ARHGAP8: variants seen among roughly 807,000 people sequenced by gnomAD.
ARHGAP8 encodes Rho GTPase activating protein 8.
A neutral mutation model predicts 46.1 loss-of-function variants in ARHGAP8; 62 were observed. The ratio of observed to expected loss-of-function variants is 1.34; its 90% CI spans 1.10 to 1.66. The LOEUF (loss-of-function observed/expected upper bound fraction) is 1.66. Among genes scored for constraint, ARHGAP8 ranks in the 40% most tolerant of loss-of-function variants. The pLI, the probability that ARHGAP8 is intolerant of heterozygous loss-of-function variation, is 0.00. For missense variants in ARHGAP8, 923 were observed against 568.4 expected (o/e 1.62, Z -6.34); for synonymous variants, 375 against 243.1 (o/e 1.54, Z -5.05).
intron 8 of ARHGAP8, among the ~76,000 whole-genome samples, chr22:44,847,260 A>T (rs940308853): frequency 2.0e-5 from 3 of 152,228 alleles, no homozygotes; most frequent in Non-Finnish European, 4.4e-5. Flanking sequence ...AGCTGCTTTC[A>T]TGAGCCAATT....
At chr22:44,820,066 A>G (rs1326098274) in intron 5 of ARHGAP8, among the ~76,000 whole-genome samples, 1 of 138,338 alleles carries the variant, frequency 7.2e-6, no homozygotes, top group East Asian at 2.2e-4. Context: ...AAGGAAGTAG[A>G]GGAACTCTGA....
At chr22:44,753,448 T>A (rs1349456494) in intron 1 of ARHGAP8, among the ~76,000 whole-genome samples, 3 of 152,118 alleles carry the variant, frequency 2.0e-5, no homozygotes, top group Non-Finnish European at 4.4e-5. Flanking sequence ...CTCGACCACC[T>A]GACCTCAGGT....
chr22:44,787,041 A>AAAAAAC (rs1927304495), intron 2 of ARHGAP8, among the ~76,000 whole-genome samples: 1 of 147,906 alleles, frequency 6.8e-6, no homozygotes, highest in African/African-American at 2.5e-5. Flanking sequence ...AAAAAACAAA[A>AAAAAAC]AAAAAAAAAA....
chr22:44,831,615 C>T (rs1930953690), intron 7 of ARHGAP8, among the ~76,000 whole-genome samples: 1 of 152,166 alleles, frequency 6.6e-6, no homozygotes, highest in Admixed American at 6.5e-5. Context: ...AGGAGAATCG[C>T]TTGAACCTGG....
In ARHGAP8 at chr22:44,790,607, C is replaced by A. The variant is rs111522439; in HGVS notation, c.79+4001C>A. On this transcript the variant is annotated intron_variant, in intron 2 of 11. Coordinates refer to ENST00000356099, the MANE Select transcript of ARHGAP8 (RefSeq NM_181335.3). The stretch of plus-strand genomic sequence containing the variant: ...AGGAGAATCGCTTGAACCCGGGAGA[C>A]CGAGGTTGCAGTGAGCCAAGATCAC... 3.5e-5 allele frequency among the ~76,000 whole-genome samples: 5 copies of A among 142,152 alleles called. No individual in the cohort carries two copies. In the South Asian group the frequency reaches 1.1e-3, roughly 32 times the overall value. The allele number at this position is 142,152 out of a possible 152,430, so 93.3% of individuals were successfully genotyped here.
At chr22:44,755,610 A>G (rs533140840) in intron 1 of ARHGAP8, among the ~76,000 whole-genome samples, 3 of 152,126 alleles carry the variant, frequency 2.0e-5, no homozygotes, top group South Asian at 4.1e-4. Flanking sequence ...CTGCCTTCAC[A>G]GGGCGTCTCC....
chr22:44,791,947 G>A (rs1388397434), intron 2 of ARHGAP8, among the ~76,000 whole-genome samples: 1 of 152,044 alleles, frequency 6.6e-6, no homozygotes, highest in East Asian at 1.9e-4. Context: ...AGGTGCATTG[G>A]ATACAGAGAA....
intron 7 of ARHGAP8, among the ~76,000 whole-genome samples, chr22:44,844,932 G>A (rs2069916111): frequency 6.6e-6 from 1 of 152,232 alleles, no homozygotes; most frequent in Non-Finnish European, 1.5e-5. Context: ...TGGCTTCCCT[G>A]TCTAGAATGC....
At chr22:44,780,079 C>T (rs541739664) in intron 1 of ARHGAP8, among the ~76,000 whole-genome samples, 11 of 152,230 alleles carry the variant, frequency 7.2e-5, no homozygotes, top group South Asian at 4.1e-4. Context: ...AGGAGCTGGC[C>T]GGCATAGCTA....
intron 1 of ARHGAP8, among the ~76,000 whole-genome samples, chr22:44,763,349 C>T (rs1925287527): frequency 6.6e-6 from 1 of 151,620 alleles, no homozygotes; most frequent in African/African-American, 2.4e-5. Context: ...ATATAAAAAT[C>T]AGCCAGGCGT....
rs760350190 is a variant in ARHGAP8, at chr22:44,845,364, C to T, written c.670+22C>T. ...AAAGGTGAGACGGGGCCGGCTCCAG[C>T]TGGATGACGTGAGGGCTGCTGGGTG... On this transcript the variant is annotated intron_variant, in intron 8 of 11. Transcript: ENST00000356099. 1.1e-5 allele frequency: 18 copies of T among 1,613,696 alleles called. No individual in the cohort carries two copies. In the South Asian group the frequency reaches 2.0e-4, roughly 18 times the overall value.
At chr22:44,797,417 A>G (rs1039934521) in intron 2 of ARHGAP8, among the ~76,000 whole-genome samples, 1 of 152,032 alleles carries the variant, frequency 6.6e-6, no homozygotes, top group Non-Finnish European at 1.5e-5. Flanking sequence ...GGTGGTAGAC[A>G]CTTTGTCTGG....
chr22:44,817,001 T>C (rs934677461), intron 5 of ARHGAP8, among the ~76,000 whole-genome samples: 6 of 150,448 alleles, frequency 4.0e-5, no homozygotes, highest in Admixed American at 2.7e-4. Flanking sequence ...TTCTCCTGCC[T>C]CAGCCTCCCA....
At chr22:44,853,806 T>C (rs2070153375) in intron 10 of ARHGAP8, among the ~76,000 whole-genome samples, 1 of 151,966 alleles carries the variant, frequency 6.6e-6, no homozygotes, top group Non-Finnish European at 1.5e-5. Flanking sequence ...GGCGGGTGGA[T>C]CACCTGAGGT....
At chr22:44,760,772 G>A (rs746269970) in intron 1 of ARHGAP8, among the ~76,000 whole-genome samples, 28 of 152,190 alleles carry the variant, frequency 1.8e-4, no homozygotes, top group Non-Finnish European at 3.8e-4. Flanking sequence ...ATTTTCCTTT[G>A]CATAACATCC....
At chr22:44,777,240 G>A (rs1213567980) in intron 1 of ARHGAP8, 4 of 152,124 alleles carry the variant, frequency 2.6e-5, no homozygotes, top group African/African-American at 9.7e-5. Context: ...GTATGTGCCT[G>A]TCTCACGCTA....
chr22:44,844,130 C>G (rs1178699984), intron 7 of ARHGAP8, among the ~76,000 whole-genome samples: 1 of 151,986 alleles, frequency 6.6e-6, no homozygotes, highest in African/African-American at 2.4e-5. Context: ...CATCACCACG[C>G]CTGGCTAATT....
chr22:44,801,848 A>T lies in ARHGAP8; in HGVS notation c.80-229A>T, dbSNP rs1416158002. 1.6e-5 allele frequency: 9 copies of T among 567,004 alleles called. No individual in the cohort carries two copies. In the South Asian group the frequency reaches 2.0e-4, roughly 13 times the overall value. 35.1% of individuals were successfully genotyped at this position (567,004 alleles called of 1,614,324 possible). On this transcript the variant is annotated intron_variant, in intron 2 of 11. Coordinates refer to ENST00000356099, the MANE Select transcript of ARHGAP8 (RefSeq NM_181335.3). ...CTGGGCCTCGGTTTTCTATCTGTAAAGTGGGGGGATTATTTCCAGCGTACG... is the reference window on the plus strand; with the variant it reads ...CTGGGCCTCGGTTTTCTATCTGTAATGTGGGGGGATTATTTCCAGCGTACG...
At chr22:44,859,329 C>G (rs1044412413) in intron 10 of ARHGAP8, among the ~76,000 whole-genome samples, 4 of 151,720 alleles carry the variant, frequency 2.6e-5, no homozygotes, top group Admixed American at 6.6e-5. Flanking sequence ...CTTACCAGAT[C>G]TGGTTTAAAA....
Sources: gnomAD v4.1 joint callset for allele counts (sites outside exome capture counted in the v4.1 genomes callset) on GRCh38, gnomAD v4.1.1 for gene constraint, MANE v1.5 for transcripts, NCBI Gene and HGNC (gene_info 2026-07-23, HGNC 2026-07-21) for gene names.